GIGYF2: variants seen among roughly 807,000 people sequenced by gnomAD.
The protein encoded by GIGYF2 is GRB10-interacting GYF protein 2.
A neutral mutation model predicts 208.1 loss-of-function variants in GIGYF2; 25 were observed. The observed-to-expected ratio is 0.12, with a 90% CI of 0.09 to 0.17. The LOEUF is 0.17. Among genes scored for constraint, GIGYF2 ranks in the 10% least tolerant of loss-of-function variants. The pLI is 1.00. For synonymous variants in GIGYF2, 534 were observed against 543.8 expected (o/e 0.98, Z 0.25); for missense variants, 1,302 against 1,579.4 (o/e 0.82, Z 2.98).
At chr2:232,855,515 C>T (rs922365332) in intron 28 of GIGYF2, among the ~76,000 whole-genome samples, 2 of 152,150 alleles carry the variant, frequency 1.3e-5, no homozygotes, top group African/African-American at 4.8e-5. Flanking sequence ...TACAGTAGAT[C>T]GAGTTAGAGT....
At chr2:232,771,431 G>A in intron 8 of GIGYF2, 4 of 1,217,666 alleles carry the variant, frequency 3.3e-6, no homozygotes, top group Non-Finnish European at 4.7e-6. Flanking sequence ...GTTAATGTTT[G>A]TGAATTTGGA....
intron 22 of GIGYF2, among the ~76,000 whole-genome samples, chr2:232,839,101 G>T (rs900428916): frequency 6.6e-6 from 1 of 152,010 alleles, no homozygotes; most frequent in Non-Finnish European, 1.5e-5. Context: ...TTTAAGTCTG[G>T]TTAGGTTTCT....
chr2:232,769,905 A>T (rs989442048), intron 8 of GIGYF2, among the ~76,000 whole-genome samples: 1 of 152,214 alleles, frequency 6.6e-6, no homozygotes, highest in Non-Finnish European at 1.5e-5. Flanking sequence ...GTGATTTTCA[A>T]GTATTCTGGT....
At chr2:232,802,470 T>A (rs1405569427) in intron 14 of GIGYF2, among the ~76,000 whole-genome samples, 1 of 152,226 alleles carries the variant, frequency 6.6e-6, no homozygotes, top group African/African-American at 2.4e-5. Context: ...TGATACTACT[T>A]CTGTGTCAAT....
chr2:232,717,868 C>T (rs921557568), intron 2 of GIGYF2, among the ~76,000 whole-genome samples: 1 of 152,172 alleles, frequency 6.6e-6, no homozygotes, highest in Non-Finnish European at 1.5e-5. Flanking sequence ...GGGATCTGCC[C>T]ATAATCCAGA....
chr2:232,856,691 C>CACAA (rs571270424), intron 28 of GIGYF2, 102 bp from the exon 29 acceptor site: 4 of 825,366 alleles, frequency 4.8e-6, no homozygotes, highest in South Asian at 4.0e-5. Flanking sequence ...AACCCTGTCT[C>CACAA]ACAAACAAAC....
intron 2 of GIGYF2, among the ~76,000 whole-genome samples, chr2:232,725,799 T>C (rs925061562): frequency 1.3e-5 from 2 of 152,240 alleles, no homozygotes; most frequent in Non-Finnish European, 1.5e-5. Context: ...CCAAGTAATC[T>C]GGTTAGGGGT....
intron 21 of GIGYF2, among the ~76,000 whole-genome samples, chr2:232,825,548 G>A (rs1285714738): frequency 6.6e-6 from 1 of 152,124 alleles, no homozygotes; most frequent in East Asian, 1.9e-4. Flanking sequence ...GAATGTGTCA[G>A]CAGTTGCTTC....
At chr2:232,825,085 C>G (rs549906544) in intron 21 of GIGYF2, among the ~76,000 whole-genome samples, 72 of 152,280 alleles carry the variant, frequency 4.7e-4, no homozygotes, top group African/African-American at 1.6e-3. Context: ...TGACAATGCC[C>G]CTAGTCATCC....
At chr2:232,735,727 A>G in intron 3 of GIGYF2, 1 of 986,540 alleles carries the variant, frequency 1.0e-6, no homozygotes, top group Non-Finnish European at 1.2e-6. Context: ...AGCATTGGAC[A>G]TAATAACGAT....
intron 8 of GIGYF2, among the ~76,000 whole-genome samples, chr2:232,785,938 G>A (rs1435249119): frequency 6.6e-6 from 1 of 152,184 alleles, no homozygotes; most frequent in Non-Finnish European, 1.5e-5. Context: ...ATAAACTGAG[G>A]ACATCAATGT....
intron 18 of GIGYF2, among the ~76,000 whole-genome samples, chr2:232,814,205 A>G (rs1159256764): frequency 2.6e-5 from 4 of 152,026 alleles, no homozygotes; most frequent in African/African-American, 9.7e-5. Context: ...ACAATTTTAC[A>G]CGTAAATACT....
chr2:232,760,688 G>A (rs1026793687), intron 7 of GIGYF2, 97 bp downstream of exon 7: 5 of 757,054 alleles, frequency 6.6e-6, no homozygotes, highest in African/African-American at 1.8e-5. Flanking sequence ...CAGTTAAAGG[G>A]TTTCATTTTA....
chr2:232,808,955 A>T (rs999493305), intron 15 of GIGYF2, among the ~76,000 whole-genome samples: 13 of 152,084 alleles, frequency 8.5e-5, no homozygotes, highest in South Asian at 4.1e-4. Context: ...ATATATATAT[A>T]TTTTTTTGAG....
In GIGYF2 at chr2:232,768,916, C is replaced by A. The variant is rs529450862; in HGVS notation, c.532+7480C>A. 8.8e-6 allele frequency: 9 copies of A among 1,026,092 alleles called. No individual in the cohort carries two copies. In the South Asian group the frequency reaches 1.5e-4, roughly 18 times the overall value. The allele number at this position is 1,026,092 out of a possible 1,614,324, so 63.6% of individuals were successfully genotyped here. On this transcript the variant is annotated intron_variant, in intron 8 of 28. Coordinates refer to ENST00000373563, the MANE Select transcript of GIGYF2 (RefSeq NM_001103146.3). Reference sequence around the variant, plus strand: ...TCAAATATTTACACATTTCTTGGTGCCATGCCTTTCAGTGAGTCAGGAATT... The same window carrying A: ...TCAAATATTTACACATTTCTTGGTGACATGCCTTTCAGTGAGTCAGGAATT...
chr2:232,751,251 G>A (rs920047260), intron 5 of GIGYF2, among the ~76,000 whole-genome samples: 1 of 152,136 alleles, frequency 6.6e-6, no homozygotes, highest in African/African-American at 2.4e-5. Flanking sequence ...GTCTTGCTCA[G>A]TCACTCAGGC....
At chr2:232,770,887 A>G in intron 8 of GIGYF2, 6 of 1,594,128 alleles carry the variant, frequency 3.8e-6, no homozygotes, top group Non-Finnish European at 5.2e-6. Context: ...TTTTTTAAGA[A>G]CAAAGACAAA....
chr2:232,739,937 T>TAAG (rs776621758), intron 3 of GIGYF2, among the ~76,000 whole-genome samples: 2 of 111,658 alleles, frequency 1.8e-5, no homozygotes, highest in East Asian at 5.1e-4. Context: ...CCATCTCTGC[T>TAAG]AAAAAAAAAA....
intron 28 of GIGYF2, among the ~76,000 whole-genome samples, chr2:232,853,323 A>T (rs1690429804): frequency 1.3e-5 from 2 of 152,136 alleles, no homozygotes; most frequent in Non-Finnish European, 2.9e-5. Flanking sequence ...TTTAATTATC[A>T]ATATTCTCCA....
Sources: allele counts gnomAD v4.1 joint callset (sites outside exome capture counted in the v4.1 genomes callset), GRCh38; gene constraint gnomAD v4.1.1; transcripts MANE v1.5; gene names NCBI Gene and HGNC (gene_info 2026-07-23, HGNC 2026-07-21).